The following TECR variants were observed in gnomAD, a reference collection of about 807,000 sequenced individuals.
TECR encodes very-long-chain enoyl-CoA reductase.
TECR carries 19 observed loss-of-function variants against 50.6 expected under a neutral mutation model. The observed-to-expected ratio is 0.38, with a 90% confidence interval of 0.26 to 0.55. The LOEUF (loss-of-function observed/expected upper bound fraction) is 0.55. Ranked by LOEUF, TECR falls within the 20% of genes least tolerant of loss-of-function variation. The pLI, the probability that TECR is intolerant of heterozygous loss-of-function variation, is 0.79. For missense variants in TECR, 313 were observed against 408.3 expected, an observed-to-expected ratio of 0.77 and a Z score of 2.01; for synonymous variants, 168 against 163.5, an observed-to-expected ratio of 1.03 and a Z score of -0.21.
At chr19:14,565,335 C>T (rs766192510) in intron 11 of TECR, 45 bp downstream of exon 11, 33 of 1,607,486 alleles carry the variant, frequency 2.1e-5, no homozygotes, top group Non-Finnish European at 2.6e-5. Flanking sequence ...CTTGGGGTCC[C>T]ATGTGGAGGG....
At chr19:14,541,409 G>C (rs962889763) in intron 1 of TECR, among the ~76,000 whole-genome samples, 2 of 152,222 alleles carry the variant, frequency 1.3e-5, no homozygotes, top group African/African-American at 4.8e-5. Flanking sequence ...GACAACACTG[G>C]GCACTCACCG....
At chr19:14,536,968 CGAGGAGGGGGCGGGGCCGAGGAGGAG>C (rs947880511) in intron 1 of TECR, among the ~76,000 whole-genome samples, 1 of 49,580 alleles carries the variant, frequency 2.0e-5, no homozygotes, top group Non-Finnish European at 3.8e-5. Flanking sequence ...GAGGAGGGGC[CGAGGAGGGGGCGGGGCCGAGGAGGAG>C]GAGGTGGGGC....
chr19:14,564,052 A>G lies in TECR; in HGVS notation c.338A>G (p.Tyr113Cys), dbSNP rs1419523763. 1.9e-6 allele frequency: 3 copies of G among 1,613,618 alleles called. No homozygotes were observed. Among genetic ancestry groups the G allele is most frequent in the Admixed American group, 1.7e-5 (1 of 59,988 alleles). Residue 113 changes from tyrosine to cysteine, a missense_variant, in exon 6 of 13, where the codon TAT becomes TGT. Physicochemically the swap from Tyr to Cys is radical, Grantham distance 194. Transcript: ENST00000215567. ...LLFYFRVPFI[Y>C]GHKYDFTSSR... ...TTCTACTTCCGAGTGCCCTTCATCTATGGCCACAAATATGACTTTACGTCC... is the reference window on the plus strand; with the variant it reads ...TTCTACTTCCGAGTGCCCTTCATCTGTGGCCACAAATATGACTTTACGTCC...
intron 1 of TECR, chr19:14,545,771 A>G (rs2073286498): frequency 6.5e-6 from 1 of 153,944 alleles, no homozygotes; most frequent in African/African-American, 2.4e-5. Flanking sequence ...TCTCCGTGTG[A>G]CAAGTACATC....
In TECR at chr19:14,563,091, T is replaced by G; in HGVS notation, c.67-115T>G. The G allele has an allele frequency of 5.4e-6, 7 of 1,306,076 alleles. No homozygotes were observed. The highest frequency in any genetic ancestry group is 1.2e-5 in the South Asian group (1 of 80,052). 80.9% of individuals were successfully genotyped at this position (1,306,076 alleles called of 1,614,324 possible). A position where few individuals can be genotyped will look rare whatever the true frequency, so the allele number is the denominator to read the frequency against. On this transcript the variant is annotated intron_variant, in intron 2 of 12. Coordinates refer to ENST00000215567, the MANE Select transcript of TECR (RefSeq NM_138501.6). This position sits in a 1 kb window ranked among gnomAD's most constrained non-coding sequence, Gnocchi z 5.3. The stretch of plus-strand genomic sequence containing the variant: ...AGGCAGAGGCCTGGACCCCAGCCCT[T>G]CCCCCTTCCCATAGCTACAGCCCAA...
chr19:14,562,972 G>A (rs1001141946), intron 2 of TECR, among the ~76,000 whole-genome samples: 14 of 152,196 alleles, frequency 9.2e-5, no homozygotes, highest in African/African-American at 2.7e-4. Context: ...GCCACTAGCC[G>A]GGCTGGGGGC....
intron 1 of TECR, among the ~76,000 whole-genome samples, chr19:14,553,835 G>A (rs74487871): frequency 2.0e-5 from 3 of 152,260 alleles, no homozygotes; most frequent in East Asian, 3.9e-4. Flanking sequence ...TGTGCCCGGC[G>A]CGGGGATGGT....
At chr19:14,545,375 C>T (rs985014975) in intron 1 of TECR, among the ~76,000 whole-genome samples, 63 of 152,110 alleles carry the variant, frequency 4.1e-4, no homozygotes, top group African/African-American at 1.5e-3. Flanking sequence ...GCAGGGTCCT[C>T]CCGGGCACAC....
chr19:14,543,761 CAG>C (rs1365853113), intron 1 of TECR, among the ~76,000 whole-genome samples: 3 of 150,144 alleles, frequency 2.0e-5, no homozygotes, highest in Non-Finnish European at 4.4e-5. Flanking sequence ...TAAATTGAGA[CAG>C]AGTCTCCCTT....
intron 1 of TECR, chr19:14,545,000 T>C (rs73002853): frequency 0.31 from 135,059 of 432,012 alleles, 24,546 homozygotes; most frequent in Non-Finnish European, 0.41. Flanking sequence ...ACTCCTTCCC[T>C]TCTCTGTTCC....
intron 1 of TECR, among the ~76,000 whole-genome samples, chr19:14,552,686 C>T (rs140616024): frequency 0.012 from 1,836 of 152,116 alleles, 37 homozygotes; most frequent in African/African-American, 0.042. Context: ...AGGCACCCGC[C>T]ACCATGCCCG....
intron 1 of TECR, among the ~76,000 whole-genome samples, chr19:14,549,112 G>A (rs1434315649): frequency 6.6e-6 from 1 of 151,764 alleles, no homozygotes; most frequent in African/African-American, 2.4e-5. Context: ...TTCAAAAGCC[G>A]GCAGTAGACC....
At chr19:14,539,430 T>G (rs1374708410) in intron 1 of TECR, among the ~76,000 whole-genome samples, 1 of 152,034 alleles carries the variant, frequency 6.6e-6, no homozygotes, top group Non-Finnish European at 1.5e-5. Context: ...TAGAAGACAG[T>G]CTGGCCACCA....
At chr19:14,550,156 C>T (rs991186472) in intron 1 of TECR, among the ~76,000 whole-genome samples, 1 of 151,992 alleles carries the variant, frequency 6.6e-6, no homozygotes, top group Non-Finnish European at 1.5e-5. Context: ...CCCCACAGTC[C>T]TTAACAGGGC....
upstream of TECR, chr19:14,529,480 C>G: frequency 1.5e-6 from 1 of 685,334 alleles, no homozygotes; most frequent in Non-Finnish European, 2.7e-6. Flanking sequence ...TGGTGCTAGT[C>G]CTAGTCTTGG....
At position 14,559,120 on chromosome 19, in the gene TECR, T is replaced by C. The variant is rs184150689; in HGVS notation, c.16-3405T>C. Among the ~76,000 whole-genome samples, 8 of 152,288 alleles carry C rather than the reference T, an allele frequency of 5.3e-5. No individual in the cohort carries two copies. The East Asian group carries it at 1.5e-3, about 29-fold the overall frequency. ...CTCCTGCTCCTCCCACCCGACTGTT[T>C]TTATTTTGATGGGTATGTGGGGCCT... On this transcript the variant is annotated intron_variant, in intron 1 of 12. Coordinates refer to ENST00000215567, the MANE Select transcript of TECR (RefSeq NM_138501.6).
intron 1 of TECR, among the ~76,000 whole-genome samples, chr19:14,553,071 A>G (rs1198196575): frequency 6.6e-6 from 1 of 151,946 alleles, no homozygotes; most frequent in Admixed American, 6.6e-5. Flanking sequence ...AGGTTCTCCA[A>G]CTTCCCACTG....
chr19:14,552,660 G>A (rs1044959075), intron 1 of TECR, among the ~76,000 whole-genome samples: 5 of 151,374 alleles, frequency 3.3e-5, no homozygotes, highest in African/African-American at 1.2e-4. Flanking sequence ...TCAGCCTCCC[G>A]AGTAGCTGGG....
At chr19:14,535,455 C>T (rs1305197358) in intron 1 of TECR, among the ~76,000 whole-genome samples, 18 of 125,792 alleles carry the variant, frequency 1.4e-4, no homozygotes, top group Non-Finnish European at 7.8e-5. Flanking sequence ...TGCAGTGAGC[C>T]GAGATCGCGC....
Sources: allele counts gnomAD v4.1 joint callset (sites outside exome capture counted in the v4.1 genomes callset), GRCh38; gene constraint gnomAD v4.1.1; non-coding constraint Gnocchi (gnomAD v3.1); transcripts MANE v1.5; gene names NCBI Gene and HGNC (gene_info 2026-07-23, HGNC 2026-07-21).